The following OTUD7A variants were observed in gnomAD, a reference collection of about 807,000 sequenced individuals.
The protein encoded by OTUD7A is OTU deubiquitinase 7A.
In OTUD7A, 12 loss-of-function variants were observed where a neutral mutation model predicts 65.7. That is an observed-to-expected ratio of 0.18 (90% confidence interval 0.12 to 0.30). The LOEUF (loss-of-function observed/expected upper bound fraction) is 0.30. Ranked by LOEUF, OTUD7A falls within the 10% of genes least tolerant of loss-of-function variation. The pLI is 1.00. For missense variants in OTUD7A, 1,148 were observed against 1,304.8 expected (o/e 0.88, Z 1.85); for synonymous variants, 641 against 586.3 (o/e 1.09, Z -1.35).
chr15:31,576,319 G>A (rs1411386663), intron 3 of OTUD7A, among the ~76,000 whole-genome samples: 1 of 152,138 alleles, frequency 6.6e-6, no homozygotes, highest in African/African-American at 2.4e-5. Flanking sequence ...TGAGACAAAT[G>A]CATATCTGGT....
chr15:31,798,086 G>A (rs1274470673), intron 1 of OTUD7A, among the ~76,000 whole-genome samples: 1 of 152,060 alleles, frequency 6.6e-6, no homozygotes, highest in East Asian at 1.9e-4. Flanking sequence ...AGTCATATAG[G>A]ATTAGAGCTC....
intron 1 of OTUD7A, among the ~76,000 whole-genome samples, chr15:31,783,138 G>A (rs1895584839): frequency 6.6e-6 from 1 of 152,140 alleles, no homozygotes; most frequent in Non-Finnish European, 1.5e-5. Context: ...AAAAAGCAGT[G>A]GCATTCTGGA....
intron 10 of OTUD7A, among the ~76,000 whole-genome samples, chr15:31,493,493 G>C (rs1044068833): frequency 2.0e-5 from 3 of 152,216 alleles, no homozygotes; most frequent in African/African-American, 7.2e-5. Flanking sequence ...AACCAGTAAG[G>C]ATATAGAAGA....
chr15:31,796,203 TC>T (rs1567027291), intron 1 of OTUD7A, among the ~76,000 whole-genome samples: 16 of 140,940 alleles, frequency 1.1e-4, no homozygotes, highest in African/African-American at 4.1e-4. Flanking sequence ...TATCTATCTA[TC>T]TATCTATCTA....
rs1055630573 is a variant in OTUD7A, at chr15:31,483,831, G to A, written c.2265C>T (p.Gly755=). 1 of 987,180 alleles carries A rather than the reference G, an allele frequency of 1.0e-6. No individual in the cohort carries two copies. Among genetic ancestry groups the A allele is most frequent in the Non-Finnish European group, 1.2e-6 (1 of 832,704 alleles). 61.2% of individuals were successfully genotyped at this position (987,180 alleles called of 1,614,324 possible). Reference sequence around the variant, plus strand: ...GTCCGCTGGCGCTCGCACGCCGCGCGCCTCCCCCCGGGGAGGCCGTGCCGC... The same window carrying A: ...GTCCGCTGGCGCTCGCACGCCGCGCACCTCCCCCCGGGGAGGCCGTGCCGC... ...AAGGTASPGG[G]ARRASASGPV... Residue 755 remains glycine (G), a synonymous_variant, in exon 13 of 13, where the codon GGC becomes GGT. Coordinates refer to ENST00000307050, the MANE Select transcript of OTUD7A (RefSeq NM_001382637.1).
At chr15:31,760,689 C>A (rs996219902) in intron 1 of OTUD7A, among the ~76,000 whole-genome samples, 13 of 151,926 alleles carry the variant, frequency 8.6e-5, no homozygotes, top group African/African-American at 3.1e-4. Context: ...GCTTTTTTTT[C>A]AGAAATTGAC....
At position 31,487,153 on chromosome 15, in the gene OTUD7A, G is replaced by A; in HGVS notation, c.1371+41C>T. 2.5e-6 allele frequency: 4 copies of A among 1,582,092 alleles called. No individual in the cohort carries two copies. Among genetic ancestry groups the A allele is most frequent in the East Asian group, 2.2e-5 (1 of 44,578 alleles). ...GGTCAGACTGGAGCTGAGCAGCCTG[G>A]ACCCTGCTGCCAGGTCTGGTCCCAG... On this transcript the variant is annotated intron_variant, in intron 12 of 12. Coordinates refer to ENST00000307050, the MANE Select transcript of OTUD7A (RefSeq NM_001382637.1). This position sits in a 1 kb window ranked among gnomAD's most constrained non-coding sequence, Gnocchi z 6.0.
chr15:31,486,498 G>C (rs964548335), intron 12 of OTUD7A, among the ~76,000 whole-genome samples: 1 of 152,250 alleles, frequency 6.6e-6, no homozygotes, highest in Non-Finnish European at 1.5e-5. Context: ...CTTGCAGGCT[G>C]TTTTTTACAA....
At chr15:31,616,557 T>C (rs1890593246) in intron 3 of OTUD7A, among the ~76,000 whole-genome samples, 1 of 152,172 alleles carries the variant, frequency 6.6e-6, no homozygotes, top group South Asian at 2.1e-4. Flanking sequence ...CTTTTATTCA[T>C]TTATTTGAGA....
chr15:31,675,814 T>C (rs1345545045), intron 1 of OTUD7A, among the ~76,000 whole-genome samples: 1 of 152,194 alleles, frequency 6.6e-6, no homozygotes, highest in African/African-American at 2.4e-5. Flanking sequence ...TGTAAGTTAA[T>C]TAGGAAAAAC....
intron 3 of OTUD7A, among the ~76,000 whole-genome samples, chr15:31,629,125 C>G (rs969466958): frequency 2.0e-5 from 3 of 152,094 alleles, no homozygotes; most frequent in Non-Finnish European, 2.9e-5. Context: ...ACTTCCAACA[C>G]TATGTTGAAT....
At chr15:31,660,181 A>C (rs1291931970) in intron 1 of OTUD7A, among the ~76,000 whole-genome samples, 1 of 152,282 alleles carries the variant, frequency 6.6e-6, no homozygotes, top group Non-Finnish European at 1.5e-5. Context: ...ATATGAAAAA[A>C]GGTCAGGCAT....
At chr15:31,710,727 C>A (rs1429667197) in intron 1 of OTUD7A, among the ~76,000 whole-genome samples, 35 of 152,398 alleles carry the variant, frequency 2.3e-4, no homozygotes. Context: ...GAAGAGCTAT[C>A]CATTATTGAA....
At chr15:31,664,415 A>G (rs767431447) in intron 1 of OTUD7A, among the ~76,000 whole-genome samples, 1 of 151,874 alleles carries the variant, frequency 6.6e-6, no homozygotes, top group African/African-American at 2.4e-5. Context: ...TTCCCTGACC[A>G]TTAGAGATTT....
Position 31,484,255 on chromosome 15 carries a change from G to A in OTUD7A, c.1841C>T (p.Pro614Leu), listed in dbSNP as rs767158283. The A allele has an allele frequency of 6.3e-7, 1 of 1,596,692 alleles. No individual in the cohort carries two copies. Among genetic ancestry groups the A allele is most frequent in the Non-Finnish European group, 8.5e-7 (1 of 1,174,332 alleles). Residue 614 changes from proline to leucine, a missense_variant, in exon 13 of 13, where the codon CCG becomes CTG. Pro to Leu is a moderately conservative substitution (Grantham distance 98). Coordinates refer to ENST00000307050, the MANE Select transcript of OTUD7A (RefSeq NM_001382637.1). This position sits in a 1 kb window ranked among gnomAD's most constrained non-coding sequence, Gnocchi z 4.5. The part of the protein sequence containing the change: ...GASPAEKGGG[P>L]RGDAWKYSTD... ...GCTGTACTTCCAGGCGTCGCCCCGC[G>A]GCCCACCGCCCTTCTCCGCCGGCGA...
In OTUD7A at chr15:31,619,203, T is replaced by A. The variant is rs1466517595; in HGVS notation, c.151+35893A>T. ...CCTTGTAGTATGGTTTGAAGTCAGG[T>A]AGGGTGATGCCTCCAGCTTTGTTCT... On this transcript the variant is annotated intron_variant, in intron 3 of 12. Transcript: ENST00000307050. Among the ~76,000 whole-genome samples, 7 of 152,318 alleles carry A rather than the reference T, an allele frequency of 4.6e-5. No homozygotes were observed. In the East Asian group the frequency reaches 1.3e-3, roughly 29 times the overall value.
intron 1 of OTUD7A, among the ~76,000 whole-genome samples, chr15:31,859,184 A>AT (rs1306247400): frequency 6.6e-6 from 1 of 152,052 alleles, no homozygotes; most frequent in African/African-American, 2.4e-5. Context: ...ACAAAATTGT[A>AT]TTTTTTTGTT....
intron 1 of OTUD7A, among the ~76,000 whole-genome samples, chr15:31,796,254 C>CT (rs1895958659): frequency 6.6e-6 from 1 of 150,792 alleles, no homozygotes; most frequent in Non-Finnish European, 1.5e-5. Flanking sequence ...TGTCTTCTAT[C>CT]TTTCTAGAGA....
chr15:31,502,617 C>T (rs1208986039), intron 9 of OTUD7A, among the ~76,000 whole-genome samples: 2 of 152,198 alleles, frequency 1.3e-5, no homozygotes, highest in Admixed American at 6.5e-5. Flanking sequence ...GAGAGTCAGA[C>T]TGAGAGGCGA....
Sources: allele counts gnomAD v4.1 joint callset (sites outside exome capture counted in the v4.1 genomes callset), GRCh38; gene constraint gnomAD v4.1.1; non-coding constraint Gnocchi (gnomAD v3.1); transcripts MANE v1.5; gene names NCBI Gene and HGNC (gene_info 2026-07-23, HGNC 2026-07-21).